The following TGFB3 variants were observed in gnomAD, a reference collection of about 807,000 sequenced individuals.
The protein encoded by TGFB3 is transforming growth factor beta-3 proprotein.
A neutral mutation model predicts 40.1 loss-of-function variants in TGFB3; 5 were observed. The observed-to-expected ratio is 0.12, with a 90% CI of 0.07 to 0.26. The LOEUF (loss-of-function observed/expected upper bound fraction) is 0.26, where lower values mean the gene tolerates loss of function less well. Among genes scored for constraint, TGFB3 ranks in the 10% least tolerant of loss-of-function variants. The pLI, the probability that TGFB3 is intolerant of heterozygous loss-of-function variation, is 1.00. For missense variants in TGFB3, 373 were observed against 530.1 expected (o/e 0.70, Z 2.91); for synonymous variants, 184 against 205.6 (o/e 0.89, Z 0.90).
rs1481208090 is a variant in TGFB3 at position 75,979,892 on chromosome 14, G to A, written c.352+650C>T. Among the ~76,000 whole-genome samples, 2 of 152,134 alleles carry A rather than the reference G, an allele frequency of 1.3e-5. No individual in the cohort carries two copies. The highest frequency in any genetic ancestry group is 4.8e-5 in the African/African-American group (2 of 41,424). ...GACTGCATGTCACCCTAAAGTACAC[G>A]GCCCTGGGAACATTCGTGCATACCC... is the stretch of plus-strand genomic sequence containing the variant. On this transcript the variant is annotated intron_variant, in intron 1 of 6. Transcript: ENST00000238682. The surrounding 1 kb of genome is among the most constrained non-coding windows in gnomAD (Gnocchi z 4.8).
chr14:75,969,319 A>G (rs1214079962), intron 3 of TGFB3, among the ~76,000 whole-genome samples: 1 of 152,166 alleles, frequency 6.6e-6, no homozygotes, highest in Non-Finnish European at 1.5e-5. Context: ...CCCAAGAGGA[A>G]GAGAAGGAAC....
chr14:75,971,001 G>C lies in TGFB3; in HGVS notation c.646+125C>G. 3 of 1,373,932 alleles carry C rather than the reference G, an allele frequency of 2.2e-6. No homozygotes were observed. In the South Asian group the frequency reaches 3.5e-5, roughly 16 times the overall value. 85.1% of individuals were successfully genotyped at this position (1,373,932 alleles called of 1,614,324 possible). ...TGAGTGAATGAATGGAGGATACTCAGTGGCAAAGCTAGGGTTTGAACCCAG... is the reference window on the plus strand; with the variant it reads ...TGAGTGAATGAATGGAGGATACTCACTGGCAAAGCTAGGGTTTGAACCCAG... On this transcript the variant is annotated intron_variant, in intron 3 of 6. Transcript: ENST00000238682. The surrounding 1 kb of genome is among the most constrained non-coding windows in gnomAD (Gnocchi z 4.5).
At position 75,977,555 on chromosome 14, in the gene TGFB3, C is replaced by T. The variant is rs558850436; in HGVS notation, c.352+2987G>A. 8.0e-4 allele frequency among the ~76,000 whole-genome samples: 121 copies of T among 151,364 alleles called. 2 individuals carry two copies. In the South Asian group the frequency reaches 0.012, roughly 15 times the overall value. On this transcript the variant is annotated intron_variant, in intron 1 of 6. Transcript: ENST00000238682. ...CTGAGGCTCAGAGAGGTCACTTTTA[C>T]GTAGCTGCGGTTGCTTAACCTGCTT... is the stretch of plus-strand genomic sequence containing the variant.
At chr14:75,974,939 A>C in intron 1 of TGFB3, among the ~76,000 whole-genome samples, 1 of 151,712 alleles carries the variant, frequency 6.6e-6, no homozygotes. Context: ...AAAAATACGA[A>C]AATTAGCTGG....
intron 3 of TGFB3, among the ~76,000 whole-genome samples, chr14:75,967,484 T>C (rs555495378): frequency 2.0e-5 from 3 of 152,256 alleles, no homozygotes; most frequent in South Asian, 4.2e-4. Context: ...AACAACACAG[T>C]GTACCTCCTG....
Position 75,980,201 on chromosome 14 carries a change from G to A in TGFB3, c.352+341C>T, listed in dbSNP as rs1259916052. Among the ~76,000 whole-genome samples the A allele has an allele frequency of 1.3e-5, 2 of 152,234 alleles. No homozygotes were observed. Among genetic ancestry groups the A allele is most frequent in the Non-Finnish European group, 2.9e-5 (2 of 68,040 alleles). ...CCTTTATGGCACCCAGATGCTTACA[G>A]TTACTGATACGATCGCATGTGCAAG... On this transcript the variant is annotated intron_variant, in intron 1 of 6. Transcript: ENST00000238682. This position sits in a 1 kb window ranked among gnomAD's most constrained non-coding sequence, Gnocchi z 4.3.
At chr14:75,963,533 G>A (rs2035185300) in intron 4 of TGFB3, 46 bp from the exon 5 acceptor site, 1 of 1,611,912 alleles carries the variant, frequency 6.2e-7, no homozygotes, top group Non-Finnish European at 8.5e-7. Context: ...GAAGAGAGCA[G>A]AGCCCTTGGA....
chr14:75,962,557 C>A (rs1225397733), intron 5 of TGFB3, among the ~76,000 whole-genome samples: 4 of 152,214 alleles, frequency 2.6e-5, no homozygotes, highest in African/African-American at 9.6e-5. Context: ...GCTTCCCCTC[C>A]TGGATCCCTT....
At chr14:75,982,959 GC>G, upstream of TGFB3, 1 of 152,452 alleles carries the variant, frequency 6.6e-6, no homozygotes, top group Middle Eastern at 3.4e-3. This position sits in a 1 kb window ranked among gnomAD's most constrained non-coding sequence, Gnocchi z 4.0. Flanking sequence ...TCGGCTCTGT[GC>G]TTTCGCTCCT....
intron 4 of TGFB3, among the ~76,000 whole-genome samples, chr14:75,964,932 A>G (rs900386222): frequency 5.3e-5 from 8 of 152,240 alleles, no homozygotes; most frequent in Non-Finnish European, 1.0e-4. Context: ...CAGTTACCCA[A>G]AATGGGAATA....
Position 75,978,553 on chromosome 14 carries a change from A to G in TGFB3, c.352+1989T>C, listed in dbSNP as rs944427186. On this transcript the variant is annotated intron_variant, in intron 1 of 6. Transcript: ENST00000238682. The surrounding 1 kb of genome is among the most constrained non-coding windows in gnomAD (Gnocchi z 5.0). ...CATCGCACGTTGGCTCCTCCCCAGC[A>G]TCCTGAACAGCATCCTGCTCACTGT... is the stretch of plus-strand genomic sequence containing the variant. Among the ~76,000 whole-genome samples, 3 of 152,160 alleles carry G rather than the reference A, an allele frequency of 2.0e-5. No individual in the cohort carries two copies. Among genetic ancestry groups the G allele is most frequent in the Non-Finnish European group, 4.4e-5 (3 of 68,034 alleles).
At chr14:75,960,803 A>G (rs2035146925) in intron 6 of TGFB3, 120 bp downstream of exon 6, 1 of 1,384,978 alleles carries the variant, frequency 7.2e-7, no homozygotes, top group Admixed American at 1.9e-5. Flanking sequence ...CACCAGAGGA[A>G]TTTTACTCAC....
chr14:75,971,737 C>G lies in TGFB3; in HGVS notation c.353-19G>C, dbSNP rs568863898. On this transcript the variant is annotated intron_variant, in intron 1 of 6. Transcript: ENST00000238682. The surrounding 1 kb of genome is among the most constrained non-coding windows in gnomAD (Gnocchi z 4.5). ...AGTTCGTCTAGGAGATAAAGCAGAG[C>G]AGAGGGCACAGCATGAGCGAGACAT... is the stretch of plus-strand genomic sequence containing the variant. 9 of 1,613,932 alleles carry G rather than the reference C, an allele frequency of 5.6e-6. No individual in the cohort carries two copies. In the Admixed American group the frequency reaches 1.5e-4, roughly 27 times the overall value.
At chr14:75,973,455 A>G (rs2140247411) in intron 1 of TGFB3, among the ~76,000 whole-genome samples, 1 of 152,390 alleles carries the variant, frequency 6.6e-6, no homozygotes, top group East Asian at 1.9e-4. Context: ...AAGAACAGAT[A>G]CTGCCAACGA....
rs1296141902 is a variant in TGFB3 at position 75,971,241 on chromosome 14, A to C, written c.531T>G (p.Asp177Glu). The C allele has an allele frequency of 6.2e-7, 1 of 1,614,174 alleles. No individual in the cohort carries two copies. Among genetic ancestry groups the C allele is most frequent in the East Asian group, 2.2e-5 (1 of 44,880 alleles). The change falls in exon 3 of 7, where the codon GAT (aspartate) becomes GAG (glutamate). Residue 177 changes from aspartate to glutamate, a missense_variant. By Grantham distance (45) the Asp-to-Glu change is conservative (BLOSUM62 2). Transcript: ENST00000238682. This position sits in a 1 kb window ranked among gnomAD's most constrained non-coding sequence, Gnocchi z 4.5. Reference protein sequence around the residue: ...RIELFQILRPDEHIAKQRYIG... With the variant: ...RIELFQILRPEEHIAKQRYIG... The stretch of plus-strand genomic sequence containing the variant: ...TATAGCGCTGTTTGGCAATGTGCTC[A>C]TCTGGCCGAAGGATCTACAGGGCAG...
rs769591099 is a variant in TGFB3 at position 75,980,939 on chromosome 14, G to C, written c.-46C>G. Reference sequence around the variant, plus strand: ...CCAGGGGGACGGCAAGGCCTGGAGAGGAAGAGACCCCAGCAGACGTGCAGA... The same window carrying C: ...CCAGGGGGACGGCAAGGCCTGGAGACGAAGAGACCCCAGCAGACGTGCAGA... On this transcript the variant is annotated 5_prime_UTR_variant, in exon 1 of 7. Transcript: ENST00000238682. The surrounding 1 kb of genome is among the most constrained non-coding windows in gnomAD (Gnocchi z 4.3). The C allele has an allele frequency of 3.2e-5, 50 of 1,567,380 alleles. No homozygotes were observed. The highest frequency in any genetic ancestry group is 3.8e-5 in the Non-Finnish European group (43 of 1,140,000).
Position 75,978,118 on chromosome 14 carries a change from C to T in TGFB3, c.352+2424G>A, listed in dbSNP as rs766840837. Among the ~76,000 whole-genome samples the T allele has an allele frequency of 1.3e-5, 2 of 152,136 alleles. No homozygotes were observed. The highest frequency in any genetic ancestry group is 2.9e-5 in the Non-Finnish European group (2 of 68,036). ...CTCCTTGCCCTGGCTCCTACTGTCA[C>T]TTTCCTTTGAATGCATGTTCACTGG... On this transcript the variant is annotated intron_variant, in intron 1 of 6. Transcript: ENST00000238682. The surrounding 1 kb of genome is among the most constrained non-coding windows in gnomAD (Gnocchi z 5.0).
rs1228498851 is a variant in TGFB3, at chr14:75,981,921, T to TCTTTCTCCCTCTCCCTCTCC, written c.-1029_-1028insGGAGAGGGAGAGGGAGAAAG. On this transcript the variant is annotated 5_prime_UTR_variant, in exon 1 of 7. It introduces an in-frame stop codon into an upstream open reading frame of the 5' UTR. Coordinates refer to ENST00000238682, the MANE Select transcript of TGFB3 (RefSeq NM_003239.5). The surrounding 1 kb of genome is among the most constrained non-coding windows in gnomAD (Gnocchi z 4.7). ...TTGACTCTCTGCTTCCCTCCCTTTCTCTCTCTCCCTCTCCCTCTCCCTCTC... is the reference window on the plus strand; with the variant it reads ...TTGACTCTCTGCTTCCCTCCCTTTCTCTTTCTCCCTCTCCCTCTCCCTCTCTCCCTCTCCCTCTCCCTCTC... Among the ~76,000 whole-genome samples, 23 of 150,980 alleles carry TCTTTCTCCCTCTCCCTCTCC rather than the reference T, an allele frequency of 1.5e-4. No homozygotes were observed. In the East Asian group the frequency reaches 2.3e-3, roughly 15 times the overall value.
chr14:75,961,783 A>T (rs542018934), intron 5 of TGFB3, among the ~76,000 whole-genome samples: 20 of 152,182 alleles, frequency 1.3e-4, no homozygotes, highest in Admixed American at 2.6e-4. Flanking sequence ...ACCATTGGTT[A>T]TCTATTCAAT....
Sources: gnomAD v4.1 joint callset for allele counts (sites outside exome capture counted in the v4.1 genomes callset) on GRCh38, gnomAD v4.1.1 for gene constraint, Gnocchi (gnomAD v3.1) non-coding constraint, MANE v1.5 for transcripts, NCBI Gene and HGNC (gene_info 2026-07-23, HGNC 2026-07-21) for gene names.